Variants in LGSN observed in about 807,000 individuals in gnomAD.
The protein encoded by LGSN is lengsin, lens protein with glutamine synthetase domain.
LGSN carries 21 observed loss-of-function variants against 19.5 expected under a neutral mutation model. The observed-to-expected ratio is 1.07, with a 90% CI of 0.76 to 1.55. LGSN has a LOEUF of 1.55. Ranked by LOEUF, LGSN falls within the 40% of genes most tolerant of loss-of-function variation. The pLI is 0.00. For synonymous variants in LGSN, 257 were observed against 215.6 expected (o/e 1.19, Z -1.68); for missense variants, 673 against 608.5 (o/e 1.11, Z -1.12).
the LGSN span, among the ~76,000 whole-genome samples, chr6:63,499,909 T>C: frequency 6.6e-6 from 1 of 151,304 alleles, no homozygotes; most frequent in African/African-American, 2.5e-5. Context: ...CATGCAACCA[T>C]ATGTCAAATT....
intron 3 of LGSN, among the ~76,000 whole-genome samples, chr6:63,285,036 A>G (rs1767471348): frequency 6.6e-6 from 1 of 152,214 alleles, no homozygotes; most frequent in Admixed American, 6.5e-5. Context: ...GATACAAAAA[A>G]TTAAGGAAGT....
At chr6:63,455,944 CAA>C in the LGSN span, among the ~76,000 whole-genome samples, 1 of 150,126 alleles carries the variant, frequency 6.7e-6, no homozygotes, top group Non-Finnish European at 1.5e-5. Context: ...TTATTAAAAA[CAA>C]GAGCCAGGTG....
chr6:63,454,470 CTTTTT>C, the LGSN span, among the ~76,000 whole-genome samples: 2 of 118,652 alleles, frequency 1.7e-5, no homozygotes, highest in Non-Finnish European at 3.4e-5. Context: ...TTTACATTTT[CTTTTT>C]TTTTTTTTTT....
chr6:63,330,894 C>T, the LGSN span, among the ~76,000 whole-genome samples: 10 of 152,194 alleles, frequency 6.6e-5, no homozygotes, highest in Admixed American at 6.5e-4. Context: ...GACATCCCTC[C>T]AAGCGAGGTC....
the LGSN span, among the ~76,000 whole-genome samples, chr6:63,466,347 A>G: frequency 0.091 from 13,895 of 152,200 alleles, 685 homozygotes; most frequent in East Asian, 0.17. Context: ...GTAACTTCCA[A>G]CACCTGGGCT....
At chr6:63,378,034 GA>G in the LGSN span, among the ~76,000 whole-genome samples, 17,833 of 85,406 alleles carry the variant, frequency 0.21, 2,455 homozygotes, top group African/African-American at 0.44. Context: ...CCAGATTTTT[GA>G]AAAAAAAAAA....
chr6:63,390,595 G>A, the LGSN span, among the ~76,000 whole-genome samples: 4 of 151,166 alleles, frequency 2.6e-5, no homozygotes, highest in Admixed American at 2.6e-4. Flanking sequence ...GGTGGCTCAC[G>A]CCTGTAATCC....
chr6:63,391,707 G>A, the LGSN span, among the ~76,000 whole-genome samples: 1 of 152,158 alleles, frequency 6.6e-6, no homozygotes, highest in Non-Finnish European at 1.5e-5. Flanking sequence ...GCAGAGTTCA[G>A]TTACACTTCA....
At chr6:63,452,995 T>A in the LGSN span, among the ~76,000 whole-genome samples, 1 of 152,126 alleles carries the variant, frequency 6.6e-6, no homozygotes, top group East Asian at 1.9e-4. Context: ...TTGTTTTCAT[T>A]TGGTTTCATT....
At chr6:63,483,892 G>A in the LGSN span, among the ~76,000 whole-genome samples, 389 of 151,358 alleles carry the variant, frequency 2.6e-3, 3 homozygotes, top group African/African-American at 8.9e-3. Flanking sequence ...AGTATCTCCA[G>A]TAGTCACATT....
At chr6:63,467,411 C>T in the LGSN span, among the ~76,000 whole-genome samples, 2 of 152,068 alleles carry the variant, frequency 1.3e-5, no homozygotes, top group African/African-American at 2.4e-5. Context: ...AGTGTATTTG[C>T]TAGTGCTGCA....
At chr6:63,320,228 A>AT (rs1279327725), upstream of LGSN, among the ~76,000 whole-genome samples, 2 of 152,118 alleles carry the variant, frequency 1.3e-5, no homozygotes, top group South Asian at 2.1e-4. Context: ...GTGTTGGTTG[A>AT]TTTTTTTCTC....
In LGSN at chr6:63,276,495, T is replaced by A. The variant is rs1767109563; in HGVS notation, c.*3526A>T. On this transcript the variant is annotated 3_prime_UTR_variant, in exon 4 of 4. Coordinates refer to ENST00000370657, the MANE Select transcript of LGSN (RefSeq NM_016571.3). ...CAACTTTAAATTCAGTAATCACATT[T>A]TTCCCCTAAGCTTTGATTAGAACAA... The A allele has an allele frequency of 6.6e-6, 1 of 152,210 alleles. No homozygotes were observed. Among genetic ancestry groups the A allele is most frequent in the African/African-American group, 2.4e-5 (1 of 41,464 alleles). 9.4% of individuals were successfully genotyped at this position (152,210 alleles called of 1,614,324 possible).
the LGSN span, among the ~76,000 whole-genome samples, chr6:63,558,686 T>C: frequency 3.3e-5 from 5 of 152,166 alleles, no homozygotes; most frequent in African/African-American, 1.2e-4. Context: ...CTTTGAATGT[T>C]TGGAAGTTGA....
the LGSN span, among the ~76,000 whole-genome samples, chr6:63,515,446 G>T: frequency 6.6e-6 from 1 of 151,794 alleles, no homozygotes; most frequent in Non-Finnish European, 1.5e-5. Context: ...GGCCAGATTG[G>T]TCTCAAACTT....
At chr6:63,406,528 G>A in the LGSN span, among the ~76,000 whole-genome samples, 4 of 148,418 alleles carry the variant, frequency 2.7e-5, 1 homozygote, top group South Asian at 6.3e-4. Flanking sequence ...ATTCAAAGCA[G>A]TGTGTAGAAG....
the LGSN span, among the ~76,000 whole-genome samples, chr6:63,457,350 C>T: frequency 6.6e-6 from 1 of 151,962 alleles, no homozygotes; most frequent in African/African-American, 2.4e-5. Context: ...AATAAAAATA[C>T]AAAATTTAGC....
the LGSN span, among the ~76,000 whole-genome samples, chr6:63,476,331 T>C: frequency 3.9e-5 from 6 of 152,348 alleles, no homozygotes; most frequent in South Asian, 1.2e-3. Flanking sequence ...AAACCAGGAC[T>C]GTTCGATTAA....
the LGSN span, among the ~76,000 whole-genome samples, chr6:63,411,366 A>T: frequency 6.6e-6 from 1 of 152,218 alleles, no homozygotes; most frequent in African/African-American, 2.4e-5. Flanking sequence ...GATAAGTTAC[A>T]CTAGGACATA....
Sources: gnomAD v4.1 joint callset for allele counts (sites outside exome capture counted in the v4.1 genomes callset) on GRCh38, gnomAD v4.1.1 for gene constraint, MANE v1.5 for transcripts, NCBI Gene and HGNC (gene_info 2026-07-23, HGNC 2026-07-21) for gene names.